The following CCDC91 variants were observed in gnomAD, a reference collection of about 807,000 sequenced individuals.
CCDC91 encodes coiled-coil domain containing 91, also known as coiled-coil domain-containing protein 91.
Under a neutral mutation model 63.2 loss-of-function variants are expected in CCDC91, and 48 were observed. The ratio of observed to expected loss-of-function variants is 0.76; its 90% CI spans 0.60 to 0.97. The LOEUF is 0.97. CCDC91 is among the 50% of genes least tolerant of loss of function. The probability of loss-of-function intolerance (pLI) is 0.00; values close to 1 mark genes in which losing one functional copy is unlikely to be tolerated. For synonymous variants in CCDC91, 167 were observed against 165.8 expected (o/e 1.01, Z -0.06); for missense variants, 500 against 494.6 (o/e 1.01, Z -0.10).
At chr12:28,257,400 A>T (rs557308944) in intron 2 of CCDC91, among the ~76,000 whole-genome samples, 155 bp downstream of exon 2, 2 of 150,924 alleles carry the variant, frequency 1.3e-5, no homozygotes, top group South Asian at 4.2e-4. Flanking sequence ...CAAGAAAAAT[A>T]AAAAAAAACC....
intron 12 of CCDC91, among the ~76,000 whole-genome samples, chr12:28,508,250 G>A (rs999038217): frequency 6.6e-6 from 1 of 151,814 alleles, no homozygotes. Context: ...AGACTTAAAA[G>A]AGAAAAGTTA....
chr12:28,318,075 CT>C (rs950781342), intron 6 of CCDC91, among the ~76,000 whole-genome samples: 4 of 151,490 alleles, frequency 2.6e-5, no homozygotes, highest in East Asian at 1.9e-4. Flanking sequence ...AGCTTTAACT[CT>C]TTTTTTATTA....
chr12:28,473,889 C>T (rs946361355), intron 11 of CCDC91, among the ~76,000 whole-genome samples: 11 of 152,048 alleles, frequency 7.2e-5, no homozygotes, highest in African/African-American at 2.4e-4. Flanking sequence ...ACTTTTAAAA[C>T]TCACCATTGG....
chr12:28,206,216 C>T (rs557442158), intron 1 of CCDC91, among the ~76,000 whole-genome samples: 2 of 152,280 alleles, frequency 1.3e-5, no homozygotes, highest in African/African-American at 4.8e-5. Flanking sequence ...ACAATGGCCA[C>T]CCATAATTTT....
At chr12:28,273,854 AT>A (rs1947983764) in intron 3 of CCDC91, among the ~76,000 whole-genome samples, 2 of 152,052 alleles carry the variant, frequency 1.3e-5, no homozygotes, top group South Asian at 4.2e-4. Context: ...ATTAGATCCC[AT>A]TTGTCAATTT....
At chr12:28,444,896 G>A (rs571390841) in intron 8 of CCDC91, among the ~76,000 whole-genome samples, 63 of 152,104 alleles carry the variant, frequency 4.1e-4, no homozygotes, top group African/African-American at 1.5e-3. Flanking sequence ...TGGGAGGATA[G>A]AAAGATTAGA....
At chr12:28,451,143 G>A (rs1271889899) in intron 10 of CCDC91, among the ~76,000 whole-genome samples, 1 of 151,644 alleles carries the variant, frequency 6.6e-6, no homozygotes, top group Non-Finnish European at 1.5e-5. Flanking sequence ...TTATTCCATA[G>A]GATAAGGGAG....
intron 6 of CCDC91, among the ~76,000 whole-genome samples, chr12:28,329,044 A>G (rs1253115963): frequency 2.0e-5 from 3 of 152,152 alleles, no homozygotes; most frequent in Non-Finnish European, 4.4e-5. Flanking sequence ...TGTCTTTCAA[A>G]AAATAAAAAT....
At chr12:28,439,925 T>C (rs1949098540) in intron 8 of CCDC91, among the ~76,000 whole-genome samples, 1 of 151,680 alleles carries the variant, frequency 6.6e-6, no homozygotes, top group South Asian at 2.1e-4. Flanking sequence ...AAGTATCTAA[T>C]GTATTAGTGG....
intron 8 of CCDC91, among the ~76,000 whole-genome samples, chr12:28,416,761 A>C (rs1211462637): frequency 6.6e-6 from 1 of 152,154 alleles, no homozygotes; most frequent in Non-Finnish European, 1.5e-5. Context: ...AGTCAAAAAC[A>C]GAGCTTAGAA....
intron 1 of CCDC91, among the ~76,000 whole-genome samples, chr12:28,201,982 AG>A (rs1661374710): frequency 2.0e-5 from 3 of 152,218 alleles, no homozygotes; most frequent in Admixed American, 6.5e-5. Flanking sequence ...GCAGCAGTAC[AG>A]TCCAGCTTCG....
intron 12 of CCDC91, among the ~76,000 whole-genome samples, chr12:28,539,290 G>A (rs970842484): frequency 6.6e-6 from 1 of 152,206 alleles, no homozygotes; most frequent in Non-Finnish European, 1.5e-5. Context: ...TGTAGAAGGT[G>A]TAAGGAAGGG....
chr12:28,406,683 A>C (rs1946968695), intron 8 of CCDC91, among the ~76,000 whole-genome samples: 1 of 152,180 alleles, frequency 6.6e-6, no homozygotes, highest in Non-Finnish European at 1.5e-5. Context: ...TTATCCAAGA[A>C]ACCATTGCCT....
intron 11 of CCDC91, among the ~76,000 whole-genome samples, chr12:28,477,979 A>G (rs1951208670): frequency 1.3e-5 from 2 of 152,204 alleles, no homozygotes; most frequent in African/African-American, 4.8e-5. Context: ...AACAAATGGA[A>G]CAACATTCCA....
intron 7 of CCDC91, among the ~76,000 whole-genome samples, chr12:28,388,208 C>G (rs1160175572): frequency 6.6e-6 from 1 of 152,084 alleles, no homozygotes; most frequent in Non-Finnish European, 1.5e-5. Flanking sequence ...TGTCCTTAGC[C>G]TACTTTTTGA....
intron 6 of CCDC91, among the ~76,000 whole-genome samples, chr12:28,311,516 C>A (rs1939324292): frequency 6.6e-6 from 1 of 151,906 alleles, no homozygotes; most frequent in South Asian, 2.1e-4. Flanking sequence ...AGTACTCGGC[C>A]TTTTGTGACA....
intron 12 of CCDC91, among the ~76,000 whole-genome samples, chr12:28,524,887 G>A (rs1255683669): frequency 1.3e-5 from 2 of 152,044 alleles, no homozygotes; most frequent in African/African-American, 4.8e-5. Context: ...TGCACATAAA[G>A]GTGTTCATAG....
At chr12:28,231,013 G>A (rs1254371733) in intron 1 of CCDC91, among the ~76,000 whole-genome samples, 2 of 152,180 alleles carry the variant, frequency 1.3e-5, no homozygotes, top group Non-Finnish European at 2.9e-5. Context: ...ATCAAGGTGA[G>A]CCTTCTGTGT....
intron 2 of CCDC91, among the ~76,000 whole-genome samples, chr12:28,258,727 A>G (rs1946619049): frequency 6.6e-6 from 1 of 151,986 alleles, no homozygotes; most frequent in African/African-American, 2.4e-5. Flanking sequence ...ACACATTGAA[A>G]TTCTGGCTCT....
Sources: gnomAD v4.1 joint callset for allele counts (sites outside exome capture counted in the v4.1 genomes callset) on GRCh38, gnomAD v4.1.1 for gene constraint, MANE v1.5 for transcripts, NCBI Gene and HGNC (gene_info 2026-07-23, HGNC 2026-07-21) for gene names.